Variants in CEMIP observed in about 807,000 individuals in gnomAD.
CEMIP encodes the protein cell migration-inducing and hyaluronan-binding protein.
Under a neutral mutation model 156.9 loss-of-function variants are expected in CEMIP, and 105 were observed. The observed-to-expected ratio is 0.67, with a 90% confidence interval of 0.57 to 0.79. The LOEUF is 0.79. Ranked by LOEUF, CEMIP falls within the 30% of genes least tolerant of loss-of-function variation. The probability of loss-of-function intolerance (pLI) is 0.00; values close to 1 mark genes in which losing one functional copy is unlikely to be tolerated. For synonymous variants in CEMIP, 676 were observed against 668.4 expected (o/e 1.01, Z -0.17); for missense variants, 1,457 against 1,769.4 (o/e 0.82, Z 3.17).
intron 1 of CEMIP, among the ~76,000 whole-genome samples, chr15:80,859,542 C>A (rs897237409): frequency 1.3e-5 from 2 of 152,228 alleles, no homozygotes; most frequent in African/African-American, 4.8e-5. Flanking sequence ...CCCACAAGGC[C>A]CTTGTTTCCA....
At chr15:80,903,745 A>T (rs1049403623) in intron 12 of CEMIP, among the ~76,000 whole-genome samples, 9 of 152,100 alleles carry the variant, frequency 5.9e-5, no homozygotes, top group African/African-American at 2.2e-4. Context: ...TCCTTGGTGA[A>T]GTTTGCTGTG....
chr15:80,788,652 T>G (rs535858611), intron 1 of CEMIP, among the ~76,000 whole-genome samples: 2 of 152,330 alleles, frequency 1.3e-5, no homozygotes, highest in South Asian at 4.1e-4. Flanking sequence ...ACATAGTGGC[T>G]AAGTACTTTT....
At chr15:80,809,231 T>C (rs1896595589) in intron 1 of CEMIP, among the ~76,000 whole-genome samples, 1 of 152,222 alleles carries the variant, frequency 6.6e-6, no homozygotes, top group Admixed American at 6.5e-5. Context: ...TTTATAATAG[T>C]GAATAATTGG....
intron 25 of CEMIP, among the ~76,000 whole-genome samples, chr15:80,938,354 C>T (rs1901216197): frequency 6.6e-6 from 1 of 152,146 alleles, no homozygotes; most frequent in Non-Finnish European, 1.5e-5. Context: ...ACTCACGCTT[C>T]CCAGCACTTT....
intron 25 of CEMIP, 141 bp from the exon 26 acceptor site, chr15:80,941,708 G>C (rs773214350): frequency 2.7e-6 from 2 of 729,984 alleles, no homozygotes; most frequent in Non-Finnish European, 4.9e-6. Flanking sequence ...CATGCAACTC[G>C]GTGGTAGACA....
Position 80,896,348 on chromosome 15 carries a change from G to A in CEMIP, c.1411+288G>A, listed in dbSNP as rs143922728. On this transcript the variant is annotated intron_variant, in intron 12 of 29. Transcript: ENST00000394685. The stretch of plus-strand genomic sequence containing the variant: ...CCCAAAACATATTCTTCTCACGGGG[G>A]AGATTGCAAACTCCTAGTGGTGAGC... The A allele has an allele frequency of 7.7e-4, 437 of 567,866 alleles. 2 individuals are homozygous for A. Among genetic ancestry groups the A allele is most frequent in the African/African-American group, 7.2e-3 (393 of 54,250 alleles). The allele number at this position is 567,866 out of a possible 1,614,324, so 35.2% of individuals were successfully genotyped here.
chr15:80,941,752 G>A lies in CEMIP; in HGVS notation c.3408-97G>A. The A allele has an allele frequency of 1.1e-5, 13 of 1,141,226 alleles. No homozygotes were observed. The South Asian group carries it at 1.5e-4, about 13-fold the overall frequency. The allele number at this position is 1,141,226 out of a possible 1,614,324, so 70.7% of individuals were successfully genotyped here. On this transcript the variant is annotated intron_variant, in intron 25 of 29. Coordinates refer to ENST00000394685, the MANE Select transcript of CEMIP (RefSeq NM_001293298.2). ...TTCTATAAGGCCGCTGGGTCTACCTGCTATGACCAGCTCAGAGTAAATGTC... is the reference window on the plus strand; with the variant it reads ...TTCTATAAGGCCGCTGGGTCTACCTACTATGACCAGCTCAGAGTAAATGTC...
intron 14 of CEMIP, among the ~76,000 whole-genome samples, 165 bp from the exon 15 acceptor site, chr15:80,919,927 TGA>T (rs1449353430): frequency 3.3e-5 from 5 of 152,124 alleles, no homozygotes; most frequent in Non-Finnish European, 5.9e-5. Context: ...GGTGTACGGC[TGA>T]GACTATTTAG....
rs778379396 is a variant in CEMIP, at chr15:80,925,645, C to T, written c.2310C>T (p.Ala770=). The change falls in exon 19 of 30, where the codon GCC becomes GCT. Residue 770 remains alanine, a synonymous_variant. Transcript: ENST00000394685. ...GCAGATACAGCCCTCACCAGGACGC[C>T]GACCCGCTGAAGCCCCGGGAGCCGG... ...ISARYSPHQD[A]DPLKPREPAI... 10 of 1,613,154 alleles carry T rather than the reference C, an allele frequency of 6.2e-6. No homozygotes were observed. Among genetic ancestry groups the T allele is most frequent in the Admixed American group, 3.3e-5 (2 of 59,998 alleles).
intron 14 of CEMIP, among the ~76,000 whole-genome samples, chr15:80,910,541 T>C (rs972543911): frequency 2.0e-5 from 3 of 152,260 alleles, no homozygotes; most frequent in Non-Finnish European, 2.9e-5. Context: ...TCTTCTATTA[T>C]AAAGGATTGT....
Position 80,949,060 on chromosome 15 carries a change from C to T in CEMIP, c.*136C>T, listed in dbSNP as rs1056031863. The stretch of plus-strand genomic sequence containing the variant: ...AGGCCGTGTTTCAGCCCTGATGGGC[C>T]AAGGGAAGGCTATCAGAGACCCTGG... On this transcript the variant is annotated 3_prime_UTR_variant, in exon 30 of 30. Coordinates refer to ENST00000394685, the MANE Select transcript of CEMIP (RefSeq NM_001293298.2). 2.6e-6 allele frequency: 3 copies of T among 1,168,376 alleles called. No homozygotes were observed. The highest frequency in any genetic ancestry group is 3.8e-6 in the Non-Finnish European group (3 of 789,194). 72.4% of individuals were successfully genotyped at this position (1,168,376 alleles called of 1,614,324 possible).
In CEMIP at chr15:80,906,976, T is replaced by C. The variant is rs1899834489; in HGVS notation, c.1587+138T>C. 8 of 880,938 alleles carry C rather than the reference T, an allele frequency of 9.1e-6. No homozygotes were observed. The highest frequency in any genetic ancestry group is 2.0e-5 in the Admixed American group (1 of 49,166). 54.6% of individuals were successfully genotyped at this position (880,938 alleles called of 1,614,324 possible). ...CAAGGGGAGGGCGCCTTCTGGAAGT[T>C]TGAGAAGTCTTATGTATTATCCATT... On this transcript the variant is annotated intron_variant, in intron 13 of 29. Coordinates refer to ENST00000394685, the MANE Select transcript of CEMIP (RefSeq NM_001293298.2). This position sits in a 1 kb window ranked among gnomAD's most constrained non-coding sequence, Gnocchi z 4.3.
chr15:80,868,826 A>T (rs1018972930), intron 1 of CEMIP, among the ~76,000 whole-genome samples: 6 of 152,188 alleles, frequency 3.9e-5, no homozygotes, highest in African/African-American at 1.4e-4. Flanking sequence ...AGTGCCTCGC[A>T]CCTAACAGGA....
At position 80,950,987 on chromosome 15, in the gene CEMIP, C is replaced by T. The variant is rs1249823191; in HGVS notation, c.*2063C>T. On this transcript the variant is annotated 3_prime_UTR_variant, in exon 30 of 30. Coordinates refer to ENST00000394685, the MANE Select transcript of CEMIP (RefSeq NM_001293298.2). ...CAACTGTCAGGGAGGTCTTTCCCAC[C>T]AAACATCTTTCAGCTGCTGGGAGGT... The T allele has an allele frequency of 6.6e-6, 1 of 152,664 alleles. No homozygotes were observed. Among genetic ancestry groups the T allele is most frequent in the East Asian group, 1.9e-4 (1 of 5,190 alleles). The allele number at this position is 152,664 out of a possible 1,614,324, so 9.5% of individuals were successfully genotyped here.
At chr15:80,866,900 G>A (rs987419769) in intron 1 of CEMIP, among the ~76,000 whole-genome samples, 3 of 151,948 alleles carry the variant, frequency 2.0e-5, no homozygotes, top group Non-Finnish European at 4.4e-5. Flanking sequence ...GAATACATGG[G>A]CCTAGTCCTC....
chr15:80,928,338 A>C (rs1052339932), intron 19 of CEMIP, among the ~76,000 whole-genome samples: 4 of 152,100 alleles, frequency 2.6e-5, no homozygotes, highest in African/African-American at 7.2e-5. Context: ...GGTGAAAGGG[A>C]GCTGACGAGA....
chr15:80,783,502 G>A (rs1895849571), intron 1 of CEMIP, among the ~76,000 whole-genome samples: 1 of 152,186 alleles, frequency 6.6e-6, no homozygotes, highest in Admixed American at 6.5e-5. Context: ...TTACTCTCTT[G>A]TATCTGGTTG....
At chr15:80,836,429 C>T (rs139944448) in intron 1 of CEMIP, among the ~76,000 whole-genome samples, 277 of 152,342 alleles carry the variant, frequency 1.8e-3, no homozygotes, top group African/African-American at 6.4e-3. Flanking sequence ...CTCTGGTTTT[C>T]GTCCACTTGT....
At chr15:80,924,750 T>C (rs192841239) in intron 18 of CEMIP, 44 bp downstream of exon 18, 685 of 1,514,658 alleles carry the variant, frequency 4.5e-4, no homozygotes, top group Middle Eastern at 3.3e-3. Flanking sequence ...GACCTTGCAG[T>C]CCAGCTCCTG....
Sources: gnomAD v4.1 joint callset for allele counts (sites outside exome capture counted in the v4.1 genomes callset) on GRCh38, gnomAD v4.1.1 for gene constraint, Gnocchi (gnomAD v3.1) non-coding constraint, MANE v1.5 for transcripts, NCBI Gene and HGNC (gene_info 2026-07-23, HGNC 2026-07-21) for gene names.